BCAS4: variants seen among roughly 807,000 people sequenced by gnomAD.
BCAS4 encodes breast carcinoma amplified sequence 4.
In BCAS4, 9 loss-of-function variants were observed where a neutral mutation model predicts 15.7. The ratio of observed to expected loss-of-function variants is 0.57; its 90% CI spans 0.34 to 1.00. BCAS4 has a LOEUF of 1.00. BCAS4 is among the 50% of genes least tolerant of loss of function. The pLI, the probability that BCAS4 is intolerant of heterozygous loss-of-function variation, is 0.02. For missense variants in BCAS4, 225 were observed against 239.1 expected, an observed-to-expected ratio of 0.94 and a Z score of 0.39; for synonymous variants, 101 against 99.5, an observed-to-expected ratio of 1.02 and a Z score of -0.09.
intron 4 of BCAS4, among the ~76,000 whole-genome samples, chr20:50,845,135 A>C (rs1249436031): frequency 2.0e-5 from 3 of 151,964 alleles, no homozygotes. Context: ...TTCCTGTTTT[A>C]CAGATGAGGA....
chr20:50,795,295 C>G lies in BCAS4; in HGVS notation c.90+122C>G. ...GGAGTGGGGGGCCCGGGGATTCCCC[C>G]CTTCCTGAAGGGTGGCTGCGGGGCG... On this transcript the variant is annotated intron_variant, in intron 1 of 4. Coordinates refer to ENST00000371608, the MANE Select transcript of BCAS4 (RefSeq NM_198799.4). 3.2e-6 allele frequency: 3 copies of G among 948,240 alleles called. No individual in the cohort carries two copies. In the South Asian group the frequency reaches 1.1e-4, roughly 35 times the overall value. The allele number at this position is 948,240 out of a possible 1,614,324, so 58.7% of individuals were successfully genotyped here.
intron 4 of BCAS4, among the ~76,000 whole-genome samples, chr20:50,845,648 C>T (rs1482297646): frequency 6.6e-6 from 1 of 152,240 alleles, no homozygotes; most frequent in Non-Finnish European, 1.5e-5. Flanking sequence ...CCCCCGACCC[C>T]AGGCTGGCCC....
chr20:50,861,846 CTTTTTTTTTT>C (rs773052138), intron 4 of BCAS4, among the ~76,000 whole-genome samples: 1 of 109,250 alleles, frequency 9.2e-6, no homozygotes, highest in Non-Finnish European at 1.8e-5. Context: ...TCTTCTTCTC[CTTTTTTTTTT>C]TTTTTTTTTT....
chr20:50,839,478 C>T (rs962216446), intron 3 of BCAS4, among the ~76,000 whole-genome samples: 1 of 152,164 alleles, frequency 6.6e-6, no homozygotes, highest in Non-Finnish European at 1.5e-5. Context: ...TTAATATGTA[C>T]TAAGCACTCT....
intron 1 of BCAS4, among the ~76,000 whole-genome samples, chr20:50,816,483 T>C (rs552727145): frequency 6.6e-6 from 1 of 152,288 alleles, no homozygotes; most frequent in East Asian, 1.9e-4. Flanking sequence ...CCTATCAAAT[T>C]AGGATTTCTG....
At chr20:50,844,733 T>C (rs2088522447) in intron 4 of BCAS4, among the ~76,000 whole-genome samples, 1 of 145,576 alleles carries the variant, frequency 6.9e-6, no homozygotes, top group Non-Finnish European at 1.5e-5. Flanking sequence ...GCACTCCTGC[T>C]GCAGGGATGT....
upstream of BCAS4, chr20:50,794,995 T>A (rs1479577930): frequency 2.3e-6 from 3 of 1,318,702 alleles, no homozygotes; most frequent in Non-Finnish European, 2.9e-6. Context: ...CCGCGGGGCA[T>A]GCAGCGGACC....
chr20:50,842,040 C>T (rs2088490078), intron 4 of BCAS4, 140 bp downstream of exon 4: 7 of 1,105,146 alleles, frequency 6.3e-6, no homozygotes, highest in Non-Finnish European at 8.7e-6. Flanking sequence ...GTACAGGCGG[C>T]CAGGCACCTC....
At chr20:50,850,373 G>A (rs1978343214) in intron 4 of BCAS4, among the ~76,000 whole-genome samples, 1 of 152,184 alleles carries the variant, frequency 6.6e-6, no homozygotes, top group African/African-American at 2.4e-5. Flanking sequence ...TTTGACCTTG[G>A]TCAGCTGGTC....
intron 4 of BCAS4, among the ~76,000 whole-genome samples, chr20:50,874,965 C>A (rs1189587024): frequency 6.6e-6 from 1 of 152,166 alleles, no homozygotes; most frequent in Admixed American, 6.5e-5. Flanking sequence ...AAGGTCCCCT[C>A]CCTCTGTCCT....
At chr20:50,874,603 C>G (rs1203481506) in intron 4 of BCAS4, among the ~76,000 whole-genome samples, 1 of 152,212 alleles carries the variant, frequency 6.6e-6, no homozygotes, top group East Asian at 1.9e-4. Context: ...CCTCAGTGCA[C>G]AGGACAGGGC....
chr20:50,821,983 A>G (rs2088221719), intron 2 of BCAS4, among the ~76,000 whole-genome samples: 2 of 152,202 alleles, frequency 1.3e-5, no homozygotes, highest in African/African-American at 4.8e-5. Context: ...GGTTCTGATT[A>G]TCTATTGCTG....
chr20:50,828,809 C>T (rs2088308916), intron 2 of BCAS4, among the ~76,000 whole-genome samples: 1 of 152,130 alleles, frequency 6.6e-6, no homozygotes, highest in African/African-American at 2.4e-5. Context: ...TCACTAGGCT[C>T]AGCCCAAAAT....
chr20:50,805,144 A>C (rs571316533), intron 1 of BCAS4, among the ~76,000 whole-genome samples: 14 of 152,270 alleles, frequency 9.2e-5, no homozygotes, highest in Admixed American at 5.2e-4. Context: ...TGTATAATTT[A>C]ATGGCTTTTC....
At chr20:50,805,976 CAA>C (rs3068943) in intron 1 of BCAS4, among the ~76,000 whole-genome samples, 25 of 121,876 alleles carry the variant, frequency 2.1e-4, no homozygotes, top group African/African-American at 4.2e-4. Context: ...GACTCCATCT[CAA>C]AAAAAAAAAA....
At chr20:50,813,350 G>A (rs1391724160) in intron 1 of BCAS4, among the ~76,000 whole-genome samples, 2 of 152,196 alleles carry the variant, frequency 1.3e-5, no homozygotes, top group African/African-American at 4.8e-5. Context: ...GGGGTGGGGA[G>A]AGCTTTTGTC....
intron 1 of BCAS4, among the ~76,000 whole-genome samples, chr20:50,796,064 G>A (rs531369386): frequency 1.3e-5 from 2 of 151,748 alleles, no homozygotes; most frequent in Admixed American, 6.6e-5. Context: ...CTCCAGCCTG[G>A]GCGACAGAGT....
intron 1 of BCAS4, among the ~76,000 whole-genome samples, chr20:50,799,005 G>T (rs950349609): frequency 1.1e-4 from 16 of 152,150 alleles, no homozygotes; most frequent in Non-Finnish European, 5.9e-5. Flanking sequence ...GCAGGGTCCT[G>T]GGGGAGGCTC....
At position 50,796,211 on chromosome 20, in the gene BCAS4, C is replaced by T. The variant is rs188869922; in HGVS notation, c.90+1038C>T. On this transcript the variant is annotated intron_variant, in intron 1 of 4. Transcript: ENST00000371608. ...CAGCCTGACCAACATGGTGAAACCC[C>T]GTCTCTACTAAAAATACAAAAATTA... 1.4e-3 allele frequency among the ~76,000 whole-genome samples: 207 copies of T among 150,624 alleles called. 2 individuals carry two copies. Among genetic ancestry groups the T allele is most frequent in the Middle Eastern group, 0.014 (4 of 292 alleles).
Sources: allele counts gnomAD v4.1 joint callset (sites outside exome capture counted in the v4.1 genomes callset), GRCh38; gene constraint gnomAD v4.1.1; transcripts MANE v1.5; gene names NCBI Gene and HGNC (gene_info 2026-07-23, HGNC 2026-07-21).